TC2N: variants seen among roughly 807,000 people sequenced by gnomAD.
TC2N encodes the protein tandem C2 domains, nuclear.
In TC2N, 51 loss-of-function variants were observed where a neutral mutation model predicts 61.9. The observed-to-expected ratio is 0.82, with a 90% confidence interval of 0.66 to 1.04. TC2N has a LOEUF of 1.04. TC2N is among the 50% of genes least tolerant of loss of function. The pLI is 0.00. For missense variants in TC2N, 556 were observed against 566.7 expected (o/e 0.98, Z 0.19); for synonymous variants, 204 against 192.6 (o/e 1.06, Z -0.49).
At chr14:91,817,998 G>T (rs1333432467) in intron 1 of TC2N, among the ~76,000 whole-genome samples, 1 of 152,070 alleles carries the variant, frequency 6.6e-6, no homozygotes, top group Non-Finnish European at 1.5e-5. Context: ...CAATTTTCAA[G>T]ACACTGGCTA....
intron 1 of TC2N, among the ~76,000 whole-genome samples, chr14:91,862,339 CAAAAA>C (rs56816512): frequency 9.4e-6 from 1 of 106,500 alleles, no homozygotes; most frequent in African/African-American, 3.4e-5. Flanking sequence ...GACTCTGTCT[CAAAAA>C]AAAAAAAAAA....
chr14:91,842,441 G>T (rs533284063), intron 1 of TC2N, among the ~76,000 whole-genome samples: 1 of 152,308 alleles, frequency 6.6e-6, no homozygotes, highest in South Asian at 2.1e-4. Context: ...TAGAACAACT[G>T]ACTTTCAGCT....
In TC2N at chr14:91,852,308, G is replaced by A. The variant is rs570054486; in HGVS notation, c.-57+14954C>T. Among the ~76,000 whole-genome samples the A allele has an allele frequency of 5.9e-5, 9 of 152,270 alleles. No individual in the cohort carries two copies. The South Asian group carries it at 1.7e-3, about 28-fold the overall frequency. On this transcript the variant is annotated intron_variant, in intron 1 of 11. Coordinates refer to ENST00000435962, the MANE Select transcript of TC2N (RefSeq NM_001128596.3). ...TAGCCGGGTGTGGTGGTGCATGCCT[G>A]TAGTCCCAGCTACTCGGGAGGCTGA... is the stretch of plus-strand genomic sequence containing the variant.
At chr14:91,841,368 C>G (rs893977862) in intron 1 of TC2N, among the ~76,000 whole-genome samples, 19 of 152,228 alleles carry the variant, frequency 1.2e-4, no homozygotes, top group African/African-American at 3.6e-4. Flanking sequence ...TAAGTTGGAA[C>G]TCCATTTCCC....
At chr14:91,791,834 A>AGGCCAGGCGC (rs1388849497) in intron 9 of TC2N, among the ~76,000 whole-genome samples, 1 of 152,120 alleles carries the variant, frequency 6.6e-6, no homozygotes, top group Non-Finnish European at 1.5e-5. Context: ...GTGCCAGGAG[A>AGGCCAGGCGC]GGCCAGGCGC....
intron 3 of TC2N, among the ~76,000 whole-genome samples, chr14:91,810,089 T>C (rs1207397271): frequency 6.6e-6 from 1 of 152,162 alleles, no homozygotes; most frequent in Non-Finnish European, 1.5e-5. Flanking sequence ...CTTACAATCA[T>C]GGCAGAAGGC....
chr14:91,860,855 T>C (rs1888575626), intron 1 of TC2N, among the ~76,000 whole-genome samples: 1 of 152,242 alleles, frequency 6.6e-6, no homozygotes, highest in Non-Finnish European at 1.5e-5. Context: ...ATTGTTTGGA[T>C]GAATAACTCT....
chr14:91,845,881 A>G (rs1888260731), intron 1 of TC2N, among the ~76,000 whole-genome samples: 1 of 152,370 alleles, frequency 6.6e-6, no homozygotes, highest in Admixed American at 6.5e-5. Flanking sequence ...CTCAGGAGCC[A>G]CCACCTTAGA....
At chr14:91,815,544 G>A (rs1886969317) in intron 1 of TC2N, among the ~76,000 whole-genome samples, 1 of 151,618 alleles carries the variant, frequency 6.6e-6, no homozygotes, top group Admixed American at 6.6e-5. Context: ...CAGTGCCTTT[G>A]TTCTAAATGC....
intron 9 of TC2N, among the ~76,000 whole-genome samples, chr14:91,790,919 C>T (rs1885610233): frequency 6.6e-6 from 1 of 152,026 alleles, no homozygotes; most frequent in Non-Finnish European, 1.5e-5. Context: ...ACTGTTTGAA[C>T]TGAGGAGTTT....
chr14:91,850,410 C>T (rs756508700), intron 1 of TC2N, among the ~76,000 whole-genome samples: 3 of 152,176 alleles, frequency 2.0e-5, no homozygotes, highest in Non-Finnish European at 2.9e-5. Context: ...CCCCAGGCCA[C>T]GGATCAGTAC....
chr14:91,812,569 TCA>T (rs1566774249), intron 2 of TC2N, 24 bp from the exon 3 acceptor site: 2 of 1,204,406 alleles, frequency 1.7e-6, no homozygotes, highest in South Asian at 2.6e-5. Flanking sequence ...AAAAAAAAAG[TCA>T]CAAATATGAA....
In TC2N at chr14:91,781,616, A is replaced by G. The variant is rs572394747; in HGVS notation, c.*1484T>C. The stretch of plus-strand genomic sequence containing the variant: ...GTATTCGTCTCAGATTCAAAATATT[A>G]TCACACAGGTGATTTATCTTAAAAA... On this transcript the variant is annotated 3_prime_UTR_variant, in exon 12 of 12. Transcript: ENST00000435962. The G allele has an allele frequency of 2.0e-5, 3 of 152,286 alleles. No individual in the cohort carries two copies. Among genetic ancestry groups the G allele is most frequent in the Admixed American group, 6.5e-5 (1 of 15,302 alleles). The allele number at this position is 152,286 out of a possible 1,614,324, so 9.4% of individuals were successfully genotyped here.
intron 1 of TC2N, among the ~76,000 whole-genome samples, chr14:91,849,477 G>A (rs1055731783): frequency 6.6e-6 from 1 of 152,146 alleles, no homozygotes; most frequent in African/African-American, 2.4e-5. Flanking sequence ...TAGATTTCTT[G>A]GTTGCATTCT....
chr14:91,803,084 G>A (rs7155373), intron 3 of TC2N, among the ~76,000 whole-genome samples: 17,898 of 151,850 alleles, frequency 0.12, 2,513 homozygotes, highest in African/African-American at 0.34. Context: ...ATAGACACCC[G>A]TTTCATGAAC....
At position 91,785,166 on chromosome 14, in the gene TC2N, C is replaced by A. The variant is rs765444411; in HGVS notation, c.1358G>T (p.Gly453Val). The A allele has an allele frequency of 9.9e-6, 16 of 1,610,300 alleles. No homozygotes were observed. Among genetic ancestry groups the A allele is most frequent in the Non-Finnish European group, 1.3e-5 (15 of 1,177,546 alleles). The change falls in exon 11 of 12, where the codon GGC (glycine) becomes GTC (valine). Residue 453 changes from glycine to valine, a missense_variant. By Grantham distance (109) the Gly-to-Val change is moderately radical. Coordinates refer to ENST00000435962, the MANE Select transcript of TC2N (RefSeq NM_001128596.3). The stretch of plus-strand genomic sequence containing the variant: ...AGGATAAAAACTCCTACTAACCTGG[C>A]CCACAAAGTGTTTTCTTCTTACAGA... ...RSSVRRKHFV[G>V]QIWISEDSNN...
intron 1 of TC2N, among the ~76,000 whole-genome samples, chr14:91,847,521 CCA>C (rs1287345436): frequency 2.0e-5 from 3 of 152,096 alleles, no homozygotes; most frequent in African/African-American, 7.2e-5. Context: ...CTAAGGAAGC[CCA>C]CACAGTTTGT....
At chr14:91,840,255 G>GT (rs574826355) in intron 1 of TC2N, among the ~76,000 whole-genome samples, 31 of 152,190 alleles carry the variant, frequency 2.0e-4, no homozygotes, top group African/African-American at 6.7e-4. Context: ...AATATTTGGG[G>GT]TTTTTTTCTA....
At chr14:91,846,433 A>G (rs1888272558) in intron 1 of TC2N, among the ~76,000 whole-genome samples, 1 of 152,162 alleles carries the variant, frequency 6.6e-6, no homozygotes, top group African/African-American at 2.4e-5. Flanking sequence ...AGAGATTATC[A>G]AATGCCTGGT....
Sources: allele counts gnomAD v4.1 joint callset (sites outside exome capture counted in the v4.1 genomes callset), GRCh38; gene constraint gnomAD v4.1.1; transcripts MANE v1.5; gene names NCBI Gene and HGNC (gene_info 2026-07-23, HGNC 2026-07-21).